RNF130: variants seen among roughly 807,000 people sequenced by gnomAD.
The protein encoded by RNF130 is E3 ubiquitin-protein ligase RNF130.
In RNF130, 21 loss-of-function variants were observed where a neutral mutation model predicts 44.6. The ratio of observed to expected loss-of-function variants is 0.47; its 90% CI spans 0.33 to 0.68. The LOEUF is 0.68. Ranked by LOEUF, RNF130 falls within the 30% of genes least tolerant of loss-of-function variation. RNF130 has a pLI of 0.02. For synonymous variants in RNF130, 214 were observed against 210.4 expected (o/e 1.02, Z -0.15); for missense variants, 479 against 560.6 (o/e 0.85, Z 1.47).
At chr5:179,992,412 G>A (rs2113034218) in intron 3 of RNF130, among the ~76,000 whole-genome samples, 1 of 152,340 alleles carries the variant, frequency 6.6e-6, no homozygotes, top group East Asian at 1.9e-4. Context: ...AAAGTGCTGG[G>A]ATTACAGGCG....
intron 3 of RNF130, among the ~76,000 whole-genome samples, chr5:180,003,291 C>T (rs1763389223): frequency 6.6e-6 from 1 of 152,160 alleles, no homozygotes; most frequent in Non-Finnish European, 1.5e-5. Flanking sequence ...CGCCTGCCAT[C>T]ACACTGCATT....
chr5:179,955,328 A>G lies in RNF130; in HGVS notation c.*326T>C, dbSNP rs552366656. On this transcript the variant is annotated 3_prime_UTR_variant, in exon 9 of 9. Transcript: ENST00000521389. ...CCTATGTGGGTAGGAGCCAATGTGAAGACACCAATAGTAAGTGTCAATCCC... is the reference window on the plus strand; with the variant it reads ...CCTATGTGGGTAGGAGCCAATGTGAGGACACCAATAGTAAGTGTCAATCCC... 1 of 257,910 alleles carries G rather than the reference A, an allele frequency of 3.9e-6. No homozygotes were observed. The highest frequency in any genetic ancestry group is 1.4e-4 in the South Asian group (1 of 7,112). 16.0% of individuals were successfully genotyped at this position (257,910 alleles called of 1,614,324 possible).
At chr5:179,990,417 C>T (rs748845297) in intron 3 of RNF130, among the ~76,000 whole-genome samples, 7 of 152,164 alleles carry the variant, frequency 4.6e-5, no homozygotes, top group African/African-American at 1.4e-4. Flanking sequence ...ATCTAGAGGG[C>T]GGAGCCAGGT....
chr5:179,972,390 C>T (rs1762604894), intron 5 of RNF130, among the ~76,000 whole-genome samples: 1 of 152,242 alleles, frequency 6.6e-6, no homozygotes, highest in Non-Finnish European at 1.5e-5. Flanking sequence ...GGTGGGGTGG[C>T]CGGGAAGGTG....
intron 2 of RNF130, among the ~76,000 whole-genome samples, chr5:180,024,948 G>A (rs1487883242): frequency 2.0e-5 from 3 of 152,194 alleles, no homozygotes; most frequent in East Asian, 1.9e-4. Context: ...TGTCGCAGGC[G>A]CAGAGGTGTG....
At chr5:180,051,822 C>T (rs947962322) in intron 1 of RNF130, among the ~76,000 whole-genome samples, 1 of 152,194 alleles carries the variant, frequency 6.6e-6, no homozygotes, top group Non-Finnish European at 1.5e-5. Context: ...TAATACAAAT[C>T]ACTTTGCATG....
At chr5:180,055,854 T>C (rs993064664) in intron 1 of RNF130, among the ~76,000 whole-genome samples, 3 of 151,928 alleles carry the variant, frequency 2.0e-5, no homozygotes, top group Admixed American at 6.6e-5. Context: ...GAGGCTGAGG[T>C]GGGTGGATCA....
chr5:179,983,044 C>G (rs1762873242), intron 3 of RNF130, among the ~76,000 whole-genome samples: 1 of 151,876 alleles, frequency 6.6e-6, no homozygotes, highest in African/African-American at 2.4e-5. Flanking sequence ...ATGTGTTTTG[C>G]CTATATTTCT....
At chr5:180,053,852 CAG>C (rs1289509046) in intron 1 of RNF130, among the ~76,000 whole-genome samples, 1 of 143,238 alleles carries the variant, frequency 7.0e-6, no homozygotes, top group East Asian at 2.0e-4. Flanking sequence ...TAATTTGAGA[CAG>C]AGTCTCACTC....
exon 8 of RNF130, chr5:179,914,924 C>T (rs924070635): frequency 1.3e-5 from 2 of 152,070 alleles, no homozygotes; most frequent in Admixed American, 6.6e-5. Flanking sequence ...CCCAGTTACT[C>T]GGGAGGCAGA....
intron 7 of RNF130, among the ~76,000 whole-genome samples, chr5:179,937,966 G>GAGAC (rs1761919794): frequency 6.7e-6 from 1 of 149,832 alleles, no homozygotes; most frequent in Non-Finnish European, 1.5e-5. Context: ...GAGAGAGAGA[G>GAGAC]AGAGACAGAG....
chr5:179,966,750 C>T lies in RNF130; in HGVS notation c.1150+56G>A, dbSNP rs533509308. 39 of 1,518,432 alleles carry T rather than the reference C, an allele frequency of 2.6e-5. No homozygotes were observed. In the Middle Eastern group the frequency reaches 6.8e-4, roughly 27 times the overall value. 94.1% of individuals were successfully genotyped at this position (1,518,432 alleles called of 1,614,324 possible). A position where few individuals can be genotyped will look rare whatever the true frequency, so the allele number is the denominator to read the frequency against. ...AGTGCCTTGACTCTCCTGATGGTCC[C>T]GAATGCCCACATAGGCAGCCACATG... On this transcript the variant is annotated intron_variant, in intron 7 of 8. Coordinates refer to ENST00000521389, the MANE Select transcript of RNF130 (RefSeq NM_018434.6).
intron 2 of RNF130, among the ~76,000 whole-genome samples, chr5:180,017,150 T>C (rs1441098192): frequency 1.3e-5 from 2 of 152,206 alleles, no homozygotes; most frequent in African/African-American, 2.4e-5. Flanking sequence ...AACACTGACC[T>C]TTTTAAAGAG....
At chr5:180,062,841 G>A (rs1026796154) in intron 1 of RNF130, among the ~76,000 whole-genome samples, 1 of 152,164 alleles carries the variant, frequency 6.6e-6, no homozygotes, top group African/African-American at 2.4e-5. Context: ...TACATTCTAA[G>A]ATTCTCAATC....
intron 3 of RNF130, among the ~76,000 whole-genome samples, chr5:179,988,776 T>C (rs956068739): frequency 6.6e-6 from 1 of 152,234 alleles, no homozygotes; most frequent in Non-Finnish European, 1.5e-5. Context: ...TTTTTAAAAA[T>C]TTGTTGAGAC....
At chr5:180,011,920 T>A (rs12654148) in intron 3 of RNF130, among the ~76,000 whole-genome samples, 132,982 of 152,264 alleles carry the variant, frequency 0.87, 58,247 homozygotes, top group African/African-American at 0.94. Flanking sequence ...TATAAAAATT[T>A]TCAAAATAAA....
chr5:180,045,840 G>A (rs1764551295), intron 1 of RNF130, among the ~76,000 whole-genome samples: 1 of 152,212 alleles, frequency 6.6e-6, no homozygotes, highest in South Asian at 2.1e-4. Flanking sequence ...GCTAGACACA[G>A]AGTGCTGATT....
Position 179,966,877 on chromosome 5 carries a change from G to A in RNF130, c.1079C>T (p.Ser360Leu), listed in dbSNP as rs199736398. The A allele has an allele frequency of 1.6e-5, 26 of 1,614,106 alleles. No homozygotes were observed. In the Middle Eastern group the frequency reaches 6.6e-4, roughly 41 times the overall value. Residue 360 changes from serine to leucine, a missense_variant, in exon 7 of 9, where the codon TCG becomes TTG. This residue lies in a region of RNF130 where 161 missense variants were observed against 158.6 expected (regional missense o/e 1.02). Coordinates refer to ENST00000521389, the MANE Select transcript of RNF130 (RefSeq NM_018434.6). Reference protein sequence around the residue: ...NSLGLEPLRTSGISPLPQDGE... With the variant: ...NSLGLEPLRTLGISPLPQDGE... ...ATCCTGAGGAAGAGGTGAGATCCCC[G>A]AAGTTCGAAGTGGCTCAAGGCCAAG...
intron 7 of RNF130, among the ~76,000 whole-genome samples, chr5:179,921,019 T>C (rs185246409): frequency 1.3e-5 from 2 of 152,196 alleles, no homozygotes; most frequent in Admixed American, 1.3e-4. Flanking sequence ...TATATTTTGA[T>C]TTTAAAATTC....
Sources: gnomAD v4.1 joint callset for allele counts (sites outside exome capture counted in the v4.1 genomes callset) on GRCh38, gnomAD v4.1.1 for gene constraint, gnomAD v4.1.1 regional missense constraint, MANE v1.5 for transcripts, NCBI Gene and HGNC (gene_info 2026-07-23, HGNC 2026-07-21) for gene names.